Variants in KIFAP3 observed in about 807,000 individuals in gnomAD.
The protein encoded by KIFAP3 is kinesin associated protein 3.
In KIFAP3, 68 loss-of-function variants were observed where a neutral mutation model predicts 106.5. That is an observed-to-expected ratio of 0.64 (90% confidence interval 0.53 to 0.78). The LOEUF (loss-of-function observed/expected upper bound fraction) is 0.78, where lower values mean the gene tolerates loss of function less well. Ranked by LOEUF, KIFAP3 falls within the 30% of genes least tolerant of loss-of-function variation. KIFAP3 has a pLI of 0.00. For missense variants in KIFAP3, 780 were observed against 941.8 expected, an observed-to-expected ratio of 0.83 and a Z score of 2.25; for synonymous variants, 320 against 311.5, an observed-to-expected ratio of 1.03 and a Z score of -0.29.
At chr1:169,962,149 T>G (rs1453735397) in intron 17 of KIFAP3, among the ~76,000 whole-genome samples, 1 of 146,652 alleles carries the variant, frequency 6.8e-6, no homozygotes, top group African/African-American at 2.7e-5. Context: ...GAATTGAATT[T>G]AATTTTTGTT....
At chr1:169,974,462 A>G (rs1414155541) in intron 16 of KIFAP3, among the ~76,000 whole-genome samples, 1 of 151,952 alleles carries the variant, frequency 6.6e-6, no homozygotes, top group Non-Finnish European at 1.5e-5. Flanking sequence ...GTTGTTTTTT[A>G]AAAATAGGTT....
chr1:169,993,593 T>C (rs1236081376), intron 10 of KIFAP3, among the ~76,000 whole-genome samples: 1 of 147,088 alleles, frequency 6.8e-6, no homozygotes, highest in East Asian at 2.0e-4. Context: ...GAGACAGAAG[T>C]ATTCAGTTTC....
At chr1:169,974,632 G>A (rs987701912) in intron 16 of KIFAP3, among the ~76,000 whole-genome samples, 1 of 150,984 alleles carries the variant, frequency 6.6e-6, no homozygotes, top group Non-Finnish European at 1.5e-5. Context: ...TGTATTGACT[G>A]TCTCTTTTCT....
At chr1:170,020,699 G>T (rs1668766830) in intron 9 of KIFAP3, among the ~76,000 whole-genome samples, 1 of 124,386 alleles carries the variant, frequency 8.0e-6, no homozygotes, top group South Asian at 2.7e-4. Flanking sequence ...CCATGCAAAG[G>T]CAATTTCAAT....
intron 17 of KIFAP3, among the ~76,000 whole-genome samples, chr1:169,969,610 A>G (rs1057303929): frequency 6.6e-6 from 1 of 152,034 alleles, no homozygotes; most frequent in Non-Finnish European, 1.5e-5. Flanking sequence ...AGGAAGAGGT[A>G]CCATTCAAAA....
intron 19 of KIFAP3, among the ~76,000 whole-genome samples, chr1:169,947,484 G>A (rs1272455591): frequency 6.6e-6 from 1 of 151,788 alleles, no homozygotes; most frequent in African/African-American, 2.4e-5. Context: ...ACAAGTATTA[G>A]GGACTTATGC....
chr1:169,938,314 T>C (rs1304950434), intron 19 of KIFAP3, among the ~76,000 whole-genome samples: 1 of 151,944 alleles, frequency 6.6e-6, no homozygotes, highest in East Asian at 1.9e-4. Flanking sequence ...TGTTTTTATC[T>C]TACCTAGGTT....
chr1:170,011,412 T>C (rs1198985866), intron 10 of KIFAP3, among the ~76,000 whole-genome samples: 1 of 151,830 alleles, frequency 6.6e-6, no homozygotes, highest in Admixed American at 6.6e-5. Context: ...AAATACAAAG[T>C]GTCCATTGCA....
intron 19 of KIFAP3, among the ~76,000 whole-genome samples, chr1:169,925,753 GAC>G (rs763610668): frequency 1.3e-5 from 2 of 152,094 alleles, no homozygotes; most frequent in Non-Finnish European, 2.9e-5. Context: ...GGCCAGAGTT[GAC>G]ATTCCTGTAG....
chr1:170,060,202 A>T (rs1434983272), intron 1 of KIFAP3, among the ~76,000 whole-genome samples: 1 of 152,222 alleles, frequency 6.6e-6, no homozygotes, highest in Admixed American at 6.5e-5. Flanking sequence ...GTATTCAATT[A>T]GGAAAAGAGG....
At chr1:170,015,481 TATA>T (rs1401309401) in intron 10 of KIFAP3, among the ~76,000 whole-genome samples, 5 of 152,198 alleles carry the variant, frequency 3.3e-5, no homozygotes, top group African/African-American at 4.8e-5. Flanking sequence ...TTCTAAAATG[TATA>T]ATAACATTGT....
chr1:169,970,635 A>G (rs1328628789), intron 17 of KIFAP3, among the ~76,000 whole-genome samples: 1 of 152,060 alleles, frequency 6.6e-6, no homozygotes, highest in Non-Finnish European at 1.5e-5. Flanking sequence ...GAATACAGTC[A>G]TGCTGAGAAT....
chr1:169,988,778 T>G (rs1378376236), intron 11 of KIFAP3, among the ~76,000 whole-genome samples: 1 of 152,016 alleles, frequency 6.6e-6, no homozygotes, highest in Non-Finnish European at 1.5e-5. Context: ...TCTTTAAATA[T>G]GTAAAATTTG....
At chr1:169,997,952 T>C (rs531721013) in intron 10 of KIFAP3, among the ~76,000 whole-genome samples, 2 of 149,064 alleles carry the variant, frequency 1.3e-5, no homozygotes, top group South Asian at 4.3e-4. Context: ...AATCATCTTA[T>C]ACCTGAGGCT....
At chr1:169,971,176 A>C (rs1665902223) in intron 17 of KIFAP3, among the ~76,000 whole-genome samples, 1 of 151,196 alleles carries the variant, frequency 6.6e-6, no homozygotes. Context: ...TTTCCTAGAC[A>C]GAAGGTAGAT....
chr1:170,078,004 A>G (rs1007882368), upstream of KIFAP3, among the ~76,000 whole-genome samples: 1 of 152,174 alleles, frequency 6.6e-6, no homozygotes, highest in African/African-American at 2.4e-5. Flanking sequence ...TAAAGCTACT[A>G]AAAATATTTA....
intron 18 of KIFAP3, among the ~76,000 whole-genome samples, chr1:169,955,879 T>A: frequency 6.6e-6 from 1 of 151,840 alleles, no homozygotes; most frequent in African/African-American, 2.4e-5. Flanking sequence ...CACTGAAAAG[T>A]TACAAAAAAA....
At chr1:169,989,951 C>T in intron 11 of KIFAP3, 1 of 1,119,816 alleles carries the variant, frequency 8.9e-7, no homozygotes, top group Non-Finnish European at 1.2e-6. Flanking sequence ...TCTTTTTAGA[C>T]AAGGAATTAT....
intron 18 of KIFAP3, among the ~76,000 whole-genome samples, chr1:169,955,714 G>A (rs1346835950): frequency 6.6e-6 from 1 of 152,048 alleles, no homozygotes; most frequent in Non-Finnish European, 1.5e-5. Context: ...TTGTCAAATT[G>A]TTAATGGACA....
Sources: allele counts gnomAD v4.1 joint callset (sites outside exome capture counted in the v4.1 genomes callset), GRCh38; gene constraint gnomAD v4.1.1; transcripts MANE v1.5; gene names NCBI Gene and HGNC (gene_info 2026-07-23, HGNC 2026-07-21).